Variants in ING2 observed in about 807,000 individuals in gnomAD.
The protein encoded by ING2 is inhibitor of growth family member 2.
ING2 carries 7 observed loss-of-function variants against 30.6 expected under a neutral mutation model. The ratio of observed to expected loss-of-function variants is 0.23; its 90% confidence interval spans 0.13 to 0.43. The LOEUF (loss-of-function observed/expected upper bound fraction) is 0.43, where lower values mean the gene tolerates loss of function less well. ING2 is among the 20% of genes least tolerant of loss of function. The probability of loss-of-function intolerance (pLI) is 1.00; values close to 1 mark genes in which losing one functional copy is unlikely to be tolerated. For synonymous variants in ING2, 136 were observed against 121.7 expected (o/e 1.12, Z -0.78); for missense variants, 239 against 334.9 (o/e 0.71, Z 2.24).
intron 1 of ING2, among the ~76,000 whole-genome samples, chr4:183,507,931 CTTTATT>C (rs1734717679): frequency 6.6e-6 from 1 of 152,040 alleles, no homozygotes; most frequent in African/African-American, 2.4e-5. Flanking sequence ...ATTAGAGAAC[CTTTATT>C]TTTATTCTAG....
chr4:183,507,232 C>T (rs1379915339), intron 1 of ING2, among the ~76,000 whole-genome samples: 1 of 152,176 alleles, frequency 6.6e-6, no homozygotes, highest in African/African-American at 2.4e-5. Flanking sequence ...TCCCGAGTAG[C>T]TGGGATTACA....
At chr4:183,509,765 G>GCT (rs1734773323) in intron 1 of ING2, among the ~76,000 whole-genome samples, 2 of 102,498 alleles carry the variant, frequency 2.0e-5, no homozygotes, top group South Asian at 6.7e-4. Context: ...ATGGAGTTTT[G>GCT]CTCTGTCGCC....
chr4:183,506,147 C>G (rs948576985), intron 1 of ING2: 2 of 1,255,766 alleles, frequency 1.6e-6, no homozygotes, highest in Non-Finnish European at 1.0e-6. Flanking sequence ...GGGGCGGTGG[C>G]GAGCTGGCTG....
intron 1 of ING2, chr4:183,506,198 C>T (rs1734642298): frequency 1.5e-6 from 2 of 1,302,674 alleles, no homozygotes; most frequent in Middle Eastern, 2.1e-4. Flanking sequence ...GTTGGTTCGG[C>T]CCCAGCGGAG....
intron 1 of ING2, chr4:183,506,245 T>G (rs769008992): frequency 1.0e-4 from 131 of 1,304,104 alleles, no homozygotes; most frequent in Middle Eastern, 4.2e-4. Flanking sequence ...TGCGGTGATG[T>G]TTCCAACCTC....
In ING2 at chr4:183,507,914, T is replaced by A. The variant is rs1734716795; in HGVS notation, c.173-2368T>A. 1.3e-5 allele frequency among the ~76,000 whole-genome samples: 2 copies of A among 152,190 alleles called. 1 individual carries two copies. The highest frequency in any genetic ancestry group is 4.1e-4 in the South Asian group (2 of 4,832). Reference sequence around the variant, plus strand: ...CACAATTGAAGTACTTATTATGGGATAGGGTTATTAGAGAACCTTTATTTT... The same window carrying A: ...CACAATTGAAGTACTTATTATGGGAAAGGGTTATTAGAGAACCTTTATTTT... On this transcript the variant is annotated intron_variant, in intron 1 of 1. Transcript: ENST00000302327.
At position 183,505,128 on chromosome 4, in the gene ING2, G is replaced by A; in HGVS notation, c.-68G>A. 1.4e-6 allele frequency: 2 copies of A among 1,451,262 alleles called. No individual in the cohort carries two copies. The highest frequency in any genetic ancestry group is 1.4e-5 in the South Asian group (1 of 73,732). The allele number at this position is 1,451,262 out of a possible 1,614,324, so 89.9% of individuals were successfully genotyped here. A position where few individuals can be genotyped will look rare whatever the true frequency, so the allele number is the denominator to read the frequency against. ...CCGGGCTGCTGAGCTGAGGGCCCGC[G>A]GCGGCCGCGGCCGGTGCATGTGCGG... On this transcript the variant is annotated 5_prime_UTR_variant, in exon 1 of 2. Transcript: ENST00000302327.
intron 1 of ING2, among the ~76,000 whole-genome samples, chr4:183,509,179 T>C (rs1734754283): frequency 6.6e-6 from 1 of 152,228 alleles, no homozygotes. Context: ...GAATGTATGA[T>C]GTGAAAGTGA....
chr4:183,508,437 A>C (rs935187578), intron 1 of ING2, among the ~76,000 whole-genome samples: 2 of 152,072 alleles, frequency 1.3e-5, no homozygotes, highest in Admixed American at 6.5e-5. Flanking sequence ...TTCTTAAGAA[A>C]TCTGCTTAGA....
intron 1 of ING2, among the ~76,000 whole-genome samples, chr4:183,509,591 G>A (rs1463430390): frequency 2.0e-5 from 3 of 151,454 alleles, no homozygotes; most frequent in Non-Finnish European, 4.4e-5. Flanking sequence ...GACTACAGGC[G>A]CCCGCCACTG....
intron 1 of ING2, 138 bp downstream of exon 1, chr4:183,505,505 C>A: frequency 1.1e-6 from 1 of 893,458 alleles, no homozygotes; most frequent in Non-Finnish European, 1.6e-6. Flanking sequence ...GGACTGGAGA[C>A]CGGGTTGGCG....
In ING2 at chr4:183,510,664, A is replaced by C. The variant is rs775180045; in HGVS notation, c.555A>C (p.Ser185=). The part of the protein sequence containing the change: ...DQPPKEKKSK[S]AKKKKRSKAK... ...CACCTAAAGAAAAGAAATCCAAGTC[A>C]GCAAAGAAAAAGAAACGCTCCAAGG... Residue 185 remains serine (S), a synonymous_variant, in exon 2 of 2, where the codon TCA becomes TCC. Coordinates refer to ENST00000302327, the MANE Select transcript of ING2 (RefSeq NM_001564.4). 6.2e-7 allele frequency: 1 copy of C among 1,614,084 alleles called. No individual in the cohort carries two copies. Among genetic ancestry groups the C allele is most frequent in the African/African-American group, 1.3e-5 (1 of 74,944 alleles).
chr4:183,506,444 GC>G (rs1393660935), intron 1 of ING2: 1 of 594,776 alleles, frequency 1.7e-6, no homozygotes, highest in Non-Finnish European at 2.8e-6. Flanking sequence ...ACCACCCTTT[GC>G]CGGCCGACCC....
At chr4:183,508,250 A>G (rs1374142223) in intron 1 of ING2, among the ~76,000 whole-genome samples, 1 of 152,110 alleles carries the variant, frequency 6.6e-6, no homozygotes, top group Non-Finnish European at 1.5e-5. Flanking sequence ...GGTATCTTAC[A>G]AATTTTTTAT....
At position 183,510,473 on chromosome 4, in the gene ING2, T is replaced by A. The variant is rs1470925294; in HGVS notation, c.364T>A (p.Ser122Thr). The A allele has an allele frequency of 2.5e-6, 4 of 1,614,136 alleles. No homozygotes were observed. Among genetic ancestry groups the A allele is most frequent in the Non-Finnish European group, 3.4e-6 (4 of 1,180,028 alleles). The change falls in exon 2 of 2, where the codon TCA becomes ACA. Residue 122 changes from serine (S) to threonine (T), a missense_variant. Ser to Thr is a moderately conservative substitution (Grantham distance 58, BLOSUM62 1). This residue lies in a region of ING2 where 115 missense variants were observed against 120.1 expected (regional missense o/e 0.96). Coordinates refer to ENST00000302327, the MANE Select transcript of ING2 (RefSeq NM_001564.4). ...TCGGGCAAGACAAATGGAGTTACAC[T>A]CACAGTGTTTCCAAGATCCTGCTGA... ...ENRARQMELH[S>T]QCFQDPAESE...
intron 1 of ING2, chr4:183,506,165 G>A: frequency 2.4e-6 from 3 of 1,274,346 alleles, no homozygotes; most frequent in Middle Eastern, 4.4e-4. Flanking sequence ...CTGCTGGGGA[G>A]GGAGTCGGGG....
intron 1 of ING2, chr4:183,506,082 G>A: frequency 1.7e-6 from 2 of 1,186,086 alleles, no homozygotes; most frequent in Non-Finnish European, 2.1e-6. Context: ...GACGAGGGGC[G>A]TGGGAGGGGC....
chr4:183,506,430 C>A, intron 1 of ING2: 2 of 714,052 alleles, frequency 2.8e-6, no homozygotes, highest in Non-Finnish European at 4.4e-6. Context: ...AGTGTGGAGG[C>A]GAAACCACCC....
intron 1 of ING2, chr4:183,506,316 C>T (rs182791509): frequency 1.7e-4 from 222 of 1,303,820 alleles, no homozygotes; most frequent in Admixed American, 7.3e-4. Flanking sequence ...ATCCTGGCTC[C>T]GCGTAGGTTC....
Sources: allele counts gnomAD v4.1 joint callset (sites outside exome capture counted in the v4.1 genomes callset), GRCh38; gene constraint gnomAD v4.1.1; regional missense constraint gnomAD v4.1.1; transcripts MANE v1.5; gene names NCBI Gene and HGNC (gene_info 2026-07-23, HGNC 2026-07-21).